The following USP48 variants were observed in gnomAD, a reference collection of about 807,000 sequenced individuals.
USP48 encodes ubiquitin specific peptidase 48.
A neutral mutation model predicts 150.7 loss-of-function variants in USP48; 43 were observed. That is an observed-to-expected ratio of 0.29 (90% CI 0.22 to 0.37). USP48 has a LOEUF of 0.37. USP48 is among the 10% of genes least tolerant of loss of function. USP48 has a pLI of 1.00. For synonymous variants in USP48, 396 were observed against 425.9 expected, an observed-to-expected ratio of 0.93 and a Z score of 0.86; for missense variants, 813 against 1,249.6, an observed-to-expected ratio of 0.65 and a Z score of 5.27.
chr1:21,777,158 C>A (rs1187593765), intron 1 of USP48, among the ~76,000 whole-genome samples: 1 of 150,974 alleles, frequency 6.6e-6, no homozygotes, highest in Non-Finnish European at 1.5e-5. Flanking sequence ...TGTGGTGGAG[C>A]ATGCTTGTAG....
intron 1 of USP48, chr1:21,768,173 C>G (rs1019683739): frequency 2.0e-5 from 3 of 151,424 alleles, no homozygotes; most frequent in African/African-American, 4.9e-5. Context: ...CACCACTGCA[C>G]TCTAGCCTGG....
chr1:21,720,589 G>A (rs1204894757), intron 14 of USP48, among the ~76,000 whole-genome samples: 4 of 151,320 alleles, frequency 2.6e-5, no homozygotes, highest in African/African-American at 4.9e-5. Flanking sequence ...GTGTAGTGGC[G>A]CAATCTTGGG....
chr1:21,721,903 T>C (rs2097721839), intron 12 of USP48, 139 bp from the exon 13 acceptor site: 1 of 499,766 alleles, frequency 2.0e-6, no homozygotes, highest in African/African-American at 2.0e-5. Context: ...AATTGGTATA[T>C]ACCCTAAATT....
intron 1 of USP48, among the ~76,000 whole-genome samples, chr1:21,773,254 CAAA>C (rs60704662): frequency 3.0e-5 from 2 of 66,166 alleles, no homozygotes; most frequent in Non-Finnish European, 3.1e-5. Context: ...GACTCGGTCT[CAAA>C]AAAAAAAAAA....
At chr1:21,763,671 C>T (rs1414613284) in intron 1 of USP48, among the ~76,000 whole-genome samples, 1 of 152,114 alleles carries the variant, frequency 6.6e-6, no homozygotes, top group Non-Finnish European at 1.5e-5. Context: ...AAAAATTAGC[C>T]AGGCGTGGTG....
rs1343623406 is a variant in USP48 at position 21,783,131 on chromosome 1, G to A, written c.-174C>T. The stretch of plus-strand genomic sequence containing the variant: ...ACTGCCGCCGCGCCCGCCCGCGCCC[G>A]ACCCGCACGACCGGCCGCAAAGCGC... On this transcript the variant is annotated 5_prime_UTR_variant, in exon 1 of 27. Transcript: ENST00000308271. 1.3e-5 allele frequency: 13 copies of A among 992,056 alleles called. No homozygotes were observed. The highest frequency in any genetic ancestry group is 6.7e-5 in the East Asian group (2 of 29,960). The allele number at this position is 992,056 out of a possible 1,614,324, so 61.5% of individuals were successfully genotyped here.
chr1:21,687,053 T>G (rs1169290305), intron 25 of USP48, 138 bp downstream of exon 25: 1 of 751,478 alleles, frequency 1.3e-6, no homozygotes. Flanking sequence ...TTTAAGATAA[T>G]GTATTCTACT....
chr1:21,695,377 C>G lies in USP48; in HGVS notation c.2728-156G>C, dbSNP rs572449724. Among the ~76,000 whole-genome samples, 3 of 152,302 alleles carry G rather than the reference C, an allele frequency of 2.0e-5. No individual in the cohort carries two copies. In the South Asian group the frequency reaches 6.2e-4, roughly 32 times the overall value. ...AATGAGTAGAAACTAACGAGACTTTCTTAGCAGGCTCACATAAAATTGATA... is the reference window on the plus strand; with the variant it reads ...AATGAGTAGAAACTAACGAGACTTTGTTAGCAGGCTCACATAAAATTGATA... On this transcript the variant is annotated intron_variant, in intron 22 of 26. Transcript: ENST00000308271.
At chr1:21,781,357 T>G (rs1333607900) in intron 1 of USP48, among the ~76,000 whole-genome samples, 3 of 152,144 alleles carry the variant, frequency 2.0e-5, no homozygotes, top group Admixed American at 2.0e-4. Flanking sequence ...GAGAATCGCT[T>G]GAACCAAGGA....
intron 6 of USP48, among the ~76,000 whole-genome samples, chr1:21,750,231 C>A (rs1437245203): frequency 1.3e-5 from 2 of 152,160 alleles, no homozygotes; most frequent in Non-Finnish European, 2.9e-5. Context: ...AACCGCCCCC[C>A]ACCCAGGCTG....
intron 22 of USP48, among the ~76,000 whole-genome samples, chr1:21,697,226 G>A (rs2097636776): frequency 6.6e-6 from 1 of 152,004 alleles, no homozygotes; most frequent in South Asian, 2.1e-4. Flanking sequence ...CACTGCCTGA[G>A]GATAGTTTAG....
chr1:21,749,411 T>C (rs536186638), intron 6 of USP48, among the ~76,000 whole-genome samples: 2 of 152,232 alleles, frequency 1.3e-5, no homozygotes, highest in Non-Finnish European at 2.9e-5. Context: ...CCTGGAACTA[T>C]ACCTCTCAAA....
intron 2 of USP48, 161 bp downstream of exon 2, chr1:21,757,502 G>C (rs2097839808): frequency 3.3e-6 from 2 of 609,192 alleles, no homozygotes; most frequent in South Asian, 6.5e-5. Flanking sequence ...ATTAAGAAGT[G>C]TTCCAATTCA....
intron 8 of USP48, among the ~76,000 whole-genome samples, chr1:21,742,421 G>A (rs188781185): frequency 2.0e-5 from 3 of 152,094 alleles, no homozygotes; most frequent in Admixed American, 2.0e-4. Flanking sequence ...GTGCACACTT[G>A]TAATCCCAGC....
chr1:21,720,940 G>A, intron 14 of USP48, 96 bp downstream of exon 14: 3 of 1,502,604 alleles, frequency 2.0e-6, no homozygotes, highest in Admixed American at 1.8e-5. Flanking sequence ...AGCCTCCCAA[G>A]TAGCTGGGAC....
At chr1:21,772,689 A>G (rs2097884939) in intron 1 of USP48, among the ~76,000 whole-genome samples, 1 of 151,942 alleles carries the variant, frequency 6.6e-6, no homozygotes, top group Non-Finnish European at 1.5e-5. Flanking sequence ...TGAGAGGCCA[A>G]GGCAGGTGGA....
At position 21,782,998 on chromosome 1, in the gene USP48, A is replaced by AGCCGCC. The variant is rs1167153594; in HGVS notation, c.-47_-42dup. The AGCCGCC allele has an allele frequency of 4.7e-6, 7 of 1,484,160 alleles. No homozygotes were observed. In the African/African-American group the frequency reaches 1.0e-4, roughly 22 times the overall value. The allele number at this position is 1,484,160 out of a possible 1,614,324, so 91.9% of individuals were successfully genotyped here. On this transcript the variant is annotated 5_prime_UTR_variant, in exon 1 of 27. Transcript: ENST00000308271. ...AACGCCTCCCGAGCCAGACCGCCGCAGCCGCCGCCGCGGTCTGCACCGCCG... is the reference window on the plus strand; with the variant it reads ...AACGCCTCCCGAGCCAGACCGCCGCAGCCGCCGCCGCCGCCGCGGTCTGCACCGCCG...
chr1:21,732,076 G>A (rs2097758209), intron 9 of USP48, among the ~76,000 whole-genome samples: 1 of 152,076 alleles, frequency 6.6e-6, no homozygotes, highest in African/African-American at 2.4e-5. Flanking sequence ...TCAGGAATTC[G>A]AAACCAGTCT....
In USP48 at chr1:21,706,774, T is replaced by C; in HGVS notation, c.2058A>G (p.Pro686=). ...ACTGTGAACAGCACTCTTTGTAACTTGGAAACTCAGGAGCCTTTGGAAAGT... is the reference window on the plus strand; with the variant it reads ...ACTGTGAACAGCACTCTTTGTAACTCGGAAACTCAGGAGCCTTTGGAAAGT... The part of the protein sequence containing the change: ...QQYFPKAPEF[P]SYKECCSQCK... The change falls in exon 16 of 27, where the codon CCA becomes CCG. Residue 686 remains proline (P), a synonymous_variant. Transcript: ENST00000308271. 1 of 1,612,908 alleles carries C rather than the reference T, an allele frequency of 6.2e-7. No individual in the cohort carries two copies. Among genetic ancestry groups the C allele is most frequent in the Non-Finnish European group, 8.5e-7 (1 of 1,179,748 alleles).
Sources: gnomAD v4.1 joint callset for allele counts (sites outside exome capture counted in the v4.1 genomes callset) on GRCh38, gnomAD v4.1.1 for gene constraint, MANE v1.5 for transcripts, NCBI Gene and HGNC (gene_info 2026-07-23, HGNC 2026-07-21) for gene names.